ABCB1: variants seen among roughly 807,000 people sequenced by gnomAD.
ABCB1 encodes ATP binding cassette subfamily B member 1.
In ABCB1, 69 loss-of-function variants were observed where a neutral mutation model predicts 142.0. That is an observed-to-expected ratio of 0.49 (90% CI 0.40 to 0.59). The LOEUF (loss-of-function observed/expected upper bound fraction) is 0.59, where lower values mean the gene tolerates loss of function less well. Among genes scored for constraint, ABCB1 ranks in the 20% least tolerant of loss-of-function variants. The pLI is 0.00. For missense variants in ABCB1, 1,326 were observed against 1,554.7 expected, an observed-to-expected ratio of 0.85 and a Z score of 2.47; for synonymous variants, 532 against 539.2, an observed-to-expected ratio of 0.99 and a Z score of 0.18.
At chr7:87,649,199 A>T (rs1426491591) in intron 1 of ABCB1, among the ~76,000 whole-genome samples, 1 of 151,930 alleles carries the variant, frequency 6.6e-6, no homozygotes, top group Non-Finnish European at 1.5e-5. Context: ...TGATTTTGAT[A>T]GTGGTTATAT....
At chr7:87,652,758 A>G (rs1563105208) in intron 1 of ABCB1, among the ~76,000 whole-genome samples, 1 of 151,460 alleles carries the variant, frequency 6.6e-6, no homozygotes, top group Non-Finnish European at 1.5e-5. Flanking sequence ...TATATAGCAA[A>G]TTGCTTTTAC....
In ABCB1 at chr7:87,520,039, A is replaced by G. The variant is rs1356329402; in HGVS notation, c.2787-573T>C. Among the ~76,000 whole-genome samples the G allele has an allele frequency of 5.3e-5, 8 of 152,162 alleles. 1 individual carries two copies. The highest frequency in any genetic ancestry group is 1.9e-4 in the African/African-American group (8 of 41,440). On this transcript the variant is annotated intron_variant, in intron 22 of 27. Coordinates refer to ENST00000622132, the MANE Select transcript of ABCB1 (RefSeq NM_001348946.2). ...GAGAAGGCTTTAAAAAGGGGTTGAC[A>G]TTCTAGAATCATGATATGGATCCAG...
chr7:87,639,045 C>T lies in ABCB1; in HGVS notation c.-330-37967G>A, dbSNP rs1461926186. 4.0e-5 allele frequency among the ~76,000 whole-genome samples: 6 copies of T among 148,892 alleles called. No individual in the cohort carries two copies. The South Asian group carries it at 6.4e-4, about 16-fold the overall frequency. On this transcript the variant is annotated intron_variant, in intron 1 of 28. Coordinates refer to the ABCB1 transcript ENST00000265724. ...CAGGCGCCTGTAGTCCCAGCTACTC[C>T]GGAGGCTGAGGCAGGAGAATGGTGT...
At chr7:87,592,935 T>C (rs938266638) in intron 3 of ABCB1, among the ~76,000 whole-genome samples, 1 of 151,466 alleles carries the variant, frequency 6.6e-6, no homozygotes, top group Non-Finnish European at 1.5e-5. Flanking sequence ...AATCTTTTTT[T>C]TTTTTTTTTT....
intron 3 of ABCB1, among the ~76,000 whole-genome samples, chr7:87,587,675 T>C (rs1818814737): frequency 6.6e-6 from 1 of 151,930 alleles, no homozygotes; most frequent in Non-Finnish European, 1.5e-5. Context: ...ATCAATACCA[T>C]CCTGGCTAAC....
intron 4 of ABCB1, among the ~76,000 whole-genome samples, chr7:87,573,176 G>A (rs533969438): frequency 5.9e-5 from 9 of 152,280 alleles, no homozygotes; most frequent in African/African-American, 1.4e-4. Context: ...CTTACATGAC[G>A]ACAGTCAAGA....
intron 1 of ABCB1, among the ~76,000 whole-genome samples, chr7:87,678,191 C>G (rs1381330220): frequency 6.6e-6 from 1 of 152,146 alleles, no homozygotes; most frequent in Non-Finnish European, 1.5e-5. Flanking sequence ...ACTACTCAAG[C>G]AATCCTCCCA....
chr7:87,642,115 T>C (rs927888156), intron 1 of ABCB1, among the ~76,000 whole-genome samples: 1 of 151,788 alleles, frequency 6.6e-6, no homozygotes, highest in Non-Finnish European at 1.5e-5. Context: ...TTTATTTAAA[T>C]TAGATTTATT....
intron 1 of ABCB1, among the ~76,000 whole-genome samples, chr7:87,624,394 G>T (rs562095790): frequency 8.3e-4 from 127 of 152,142 alleles, no homozygotes; most frequent in African/African-American, 3.0e-3. Flanking sequence ...TGATCTCTCT[G>T]GTTTATAGCA....
At chr7:87,685,270 A>C (rs1031805855) in intron 1 of ABCB1, among the ~76,000 whole-genome samples, 4 of 152,220 alleles carry the variant, frequency 2.6e-5, no homozygotes, top group Non-Finnish European at 5.9e-5. Flanking sequence ...ATTTTAAAAT[A>C]TGCAAAGAGC....
At chr7:87,711,394 A>T (rs1830071420) in intron 1 of ABCB1, among the ~76,000 whole-genome samples, 1 of 151,906 alleles carries the variant, frequency 6.6e-6, no homozygotes, top group Non-Finnish European at 1.5e-5. Flanking sequence ...GTTATTGCTT[A>T]TCTTTTTAGA....
At chr7:87,582,004 G>A (rs1282929497) in intron 4 of ABCB1, among the ~76,000 whole-genome samples, 1 of 152,270 alleles carries the variant, frequency 6.6e-6, no homozygotes, top group African/African-American at 2.4e-5. Flanking sequence ...CAAAACCTTT[G>A]ATGCTATTCC....
intron 9 of ABCB1, among the ~76,000 whole-genome samples, chr7:87,552,362 G>A (rs1817109866): frequency 6.6e-6 from 1 of 152,126 alleles, no homozygotes; most frequent in African/African-American, 2.4e-5. Context: ...CTCAAAACAC[G>A]CTGAAAGTTA....
At position 87,676,009 on chromosome 7, in the gene ABCB1, G is replaced by A. The variant is rs181962617; in HGVS notation, c.-331+37152C>T. 2.4e-3 allele frequency among the ~76,000 whole-genome samples: 361 copies of A among 152,252 alleles called. 2 individuals carry two copies. Among genetic ancestry groups the A allele is most frequent in the African/African-American group, 8.1e-3 (338 of 41,542 alleles). On this transcript the variant is annotated intron_variant, in intron 1 of 28. Transcript: ENST00000265724. ...ACACTGGAGGATTGCTTGAGGTCAG[G>A]AGTGCCAGGACTTTGAGATCTACCT... is the stretch of plus-strand genomic sequence containing the variant.
At chr7:87,531,258 C>T (rs1054433604) in intron 21 of ABCB1, 36 bp downstream of exon 21, 2 of 1,544,436 alleles carry the variant, frequency 1.3e-6, no homozygotes, top group Admixed American at 3.3e-5. Flanking sequence ...ATACTTTACT[C>T]TACTTAATTA....
In ABCB1 at chr7:87,583,390, C is replaced by A. The variant is rs1188908392; in HGVS notation, c.286+2122G>T. On this transcript the variant is annotated intron_variant, in intron 4 of 27. Transcript: ENST00000622132. ...GTATGTTCGCTAACCACTAAATATACCACCTCTTAAGAGAATAACAAAAGT... is the reference window on the plus strand; with the variant it reads ...GTATGTTCGCTAACCACTAAATATAACACCTCTTAAGAGAATAACAAAAGT... Among the ~76,000 whole-genome samples, 4 of 152,264 alleles carry A rather than the reference C, an allele frequency of 2.6e-5. No homozygotes were observed. In the East Asian group the frequency reaches 7.7e-4, roughly 29 times the overall value.
At chr7:87,606,448 AT>A (rs1819656104) in intron 1 of ABCB1, among the ~76,000 whole-genome samples, 1 of 152,180 alleles carries the variant, frequency 6.6e-6, no homozygotes, top group South Asian at 2.1e-4. Context: ...ACAGAAAAAA[AT>A]ATCAGCCAAA....
rs1354465955 is a variant in ABCB1 at position 87,539,379 on chromosome 7, G to T, written c.2320-34C>A. On this transcript the variant is annotated intron_variant, in intron 18 of 27. Transcript: ENST00000622132. Reference sequence around the variant, plus strand: ...AGGAACATACCTTGTCAGGGACCCAGCCACCATTTAAATAAAAGGAGGGAG... The same window carrying T: ...AGGAACATACCTTGTCAGGGACCCATCCACCATTTAAATAAAAGGAGGGAG... The T allele has an allele frequency of 6.3e-7, 1 of 1,590,448 alleles. No homozygotes were observed. The highest frequency in any genetic ancestry group is 2.2e-5 in the East Asian group (1 of 44,742).
At chr7:87,644,441 G>T (rs967315690) in intron 1 of ABCB1, among the ~76,000 whole-genome samples, 56 of 152,146 alleles carry the variant, frequency 3.7e-4, no homozygotes, top group Non-Finnish European at 6.6e-4. Flanking sequence ...TTGTAAATTT[G>T]GTTTGAAATA....
Sources: allele counts gnomAD v4.1 joint callset (sites outside exome capture counted in the v4.1 genomes callset), GRCh38; gene constraint gnomAD v4.1.1; transcripts MANE v1.5; gene names NCBI Gene and HGNC (gene_info 2026-07-23, HGNC 2026-07-21).